The following MED13L variants were observed in gnomAD, a reference collection of about 807,000 sequenced individuals.
MED13L encodes mediator complex subunit 13L.
In MED13L, 7 loss-of-function variants were observed where a neutral mutation model predicts 220.9. The ratio of observed to expected loss-of-function variants is 0.03; its 90% confidence interval spans 0.02 to 0.06. The LOEUF (loss-of-function observed/expected upper bound fraction) is 0.06. MED13L is among the 10% of genes least tolerant of loss of function. The pLI is 1.00. For synonymous variants in MED13L, 1,011 were observed against 1,015.2 expected, an observed-to-expected ratio of 1.00 and a Z score of 0.08; for missense variants, 1,965 against 2,760.5, an observed-to-expected ratio of 0.71 and a Z score of 6.46.
chr12:116,227,254 A>C (rs1869097802), intron 2 of MED13L, among the ~76,000 whole-genome samples: 1 of 152,230 alleles, frequency 6.6e-6, no homozygotes, highest in Admixed American at 6.5e-5. Context: ...CTATGACAAC[A>C]GATCTCTACG....
chr12:116,194,351 G>C (rs1209574498), intron 2 of MED13L, among the ~76,000 whole-genome samples: 1 of 152,024 alleles, frequency 6.6e-6, no homozygotes, highest in Non-Finnish European at 1.5e-5. Context: ...TTTTAGTAGA[G>C]ACAGGGTTTC....
At chr12:116,059,392 C>A (rs930638493) in intron 4 of MED13L, among the ~76,000 whole-genome samples, 1 of 151,898 alleles carries the variant, frequency 6.6e-6, no homozygotes, top group African/African-American at 2.4e-5. Context: ...CTGTCAATAA[C>A]CCTCCAGTAA....
At chr12:116,029,534 C>T (rs1404330768) in intron 4 of MED13L, among the ~76,000 whole-genome samples, 1 of 151,944 alleles carries the variant, frequency 6.6e-6, no homozygotes, top group African/African-American at 2.4e-5. Flanking sequence ...AGTAAAATTA[C>T]ACCAAAAGTT....
chr12:116,012,495 G>C (rs1270861632), intron 9 of MED13L, among the ~76,000 whole-genome samples: 1 of 152,128 alleles, frequency 6.6e-6, no homozygotes, highest in African/African-American at 2.4e-5. Flanking sequence ...AAAATTAAGA[G>C]TAGTTAAATA....
intron 2 of MED13L, among the ~76,000 whole-genome samples, chr12:116,142,799 AT>A (rs982279540): frequency 6.6e-5 from 10 of 152,232 alleles, no homozygotes; most frequent in East Asian, 5.8e-4. Flanking sequence ...ATTACACACA[AT>A]TTAAAAGCAA....
At chr12:116,111,377 A>C in intron 3 of MED13L, 51 bp downstream of exon 3, 1 of 1,416,458 alleles carries the variant, frequency 7.1e-7, no homozygotes, top group East Asian at 2.3e-5. Context: ...CTCGGTATCT[A>C]GCAATATACT....
chr12:115,966,068 G>A lies in MED13L; in HGVS notation c.6387+14C>T. 1.2e-6 allele frequency: 2 copies of A among 1,613,832 alleles called. No homozygotes were observed. Among genetic ancestry groups the A allele is most frequent in the Non-Finnish European group, 1.7e-6 (2 of 1,179,822 alleles). On this transcript the variant is annotated intron_variant, in intron 29 of 30. Coordinates refer to ENST00000281928, the MANE Select transcript of MED13L (RefSeq NM_015335.5). Reference sequence around the variant, plus strand: ...CTCATTCCTTGCAAACTTCTAATATGACACCAAACCAACCTTTAAGAAGAG... The same window carrying A: ...CTCATTCCTTGCAAACTTCTAATATAACACCAAACCAACCTTTAAGAAGAG...
At chr12:116,206,740 G>A (rs1057142036) in intron 2 of MED13L, among the ~76,000 whole-genome samples, 1 of 152,046 alleles carries the variant, frequency 6.6e-6, no homozygotes, top group African/African-American at 2.4e-5. Flanking sequence ...CATACTGAAA[G>A]AAGATAAAAC....
intron 30 of MED13L, among the ~76,000 whole-genome samples, 178 bp downstream of exon 30, chr12:115,963,229 C>G (rs1875894184): frequency 1.3e-5 from 2 of 152,192 alleles, no homozygotes; most frequent in African/African-American, 2.4e-5. Flanking sequence ...ATGTATTACA[C>G]CGCCTGTCCC....
chr12:116,070,009 TTGAG>T (rs1249015569), intron 4 of MED13L, among the ~76,000 whole-genome samples: 1 of 152,204 alleles, frequency 6.6e-6, no homozygotes, highest in Admixed American at 6.5e-5. Context: ...CTGCTGGTTT[TTGAG>T]TATTTTTAAA....
chr12:116,006,494 G>A, intron 11 of MED13L, 83 bp from the exon 12 acceptor site: 9 of 1,095,204 alleles, frequency 8.2e-6, no homozygotes, highest in South Asian at 1.3e-5. Context: ...AGAATTAGAG[G>A]GTAGAATGGA....
At chr12:116,134,411 T>A (rs1876343824) in intron 2 of MED13L, among the ~76,000 whole-genome samples, 1 of 152,036 alleles carries the variant, frequency 6.6e-6, no homozygotes, top group Non-Finnish European at 1.5e-5. Context: ...ATAAGAAAAT[T>A]TTTATGAGAA....
chr12:116,276,514 C>A lies in MED13L; in HGVS notation c.72+546G>T, dbSNP rs1281176110. 7.8e-6 allele frequency: 10 copies of A among 1,283,786 alleles called. No individual in the cohort carries two copies. In the South Asian group the frequency reaches 1.1e-4, roughly 14 times the overall value. The allele number at this position is 1,283,786 out of a possible 1,614,324, so 79.5% of individuals were successfully genotyped here. ...AGGCGGCTGTCGATGTTTACAATCG[C>A]GGGAGCTTCGGGTGCAAGAGTCCTT... On this transcript the variant is annotated intron_variant, in intron 1 of 30. Transcript: ENST00000281928.
intron 4 of MED13L, among the ~76,000 whole-genome samples, chr12:116,061,808 C>T (rs1310426674): frequency 3.3e-5 from 5 of 151,964 alleles, no homozygotes; most frequent in African/African-American, 7.3e-5. Context: ...GAGATCGAGA[C>T]CATCCTGGCT....
Position 116,002,970 on chromosome 12 carries a change from G to A in MED13L, c.2569+33C>T, listed in dbSNP as rs1260350477. 3 of 1,524,236 alleles carry A rather than the reference G, an allele frequency of 2.0e-6. No individual in the cohort carries two copies. In the South Asian group the frequency reaches 3.4e-5, roughly 17 times the overall value. 94.4% of individuals were successfully genotyped at this position (1,524,236 alleles called of 1,614,324 possible). On this transcript the variant is annotated intron_variant, in intron 14 of 30. Coordinates refer to ENST00000281928, the MANE Select transcript of MED13L (RefSeq NM_015335.5). ...ATTATATCTAAGTTACAGGCAGTGA[G>A]CCACAATGGCTCAGTCAAGTTTCTC...
In MED13L at chr12:116,019,337, G is replaced by C. The variant is rs1879916394; in HGVS notation, c.896C>G (p.Ala299Gly). Residue 299 changes from alanine to glycine, a missense_variant, in exon 7 of 31, where the codon GCC (alanine) becomes GGC (glycine). Ala to Gly is a moderately conservative substitution (Grantham distance 60). Coordinates refer to ENST00000281928, the MANE Select transcript of MED13L (RefSeq NM_015335.5). ...AACTGCAATGTGGCCTCCAGCACTG[G>C]CAACACTCTGAGGAACCGGGATGTC... The part of the protein sequence containing the change: ...QNDIPVPQSV[A>G]SAGGHIAVGQ... 4 of 1,614,000 alleles carry C rather than the reference G, an allele frequency of 2.5e-6. No individual in the cohort carries two copies. Among genetic ancestry groups the C allele is most frequent in the Non-Finnish European group, 3.4e-6 (4 of 1,179,956 alleles).
At chr12:116,002,452 T>C (rs1878805379) in intron 14 of MED13L, among the ~76,000 whole-genome samples, 1 of 152,184 alleles carries the variant, frequency 6.6e-6, no homozygotes, top group Admixed American at 6.5e-5. Context: ...TTTTTCCTCT[T>C]GTAGAATAAT....
chr12:116,063,473 G>A (rs928199580), intron 4 of MED13L, among the ~76,000 whole-genome samples: 12 of 152,144 alleles, frequency 7.9e-5, no homozygotes, highest in Non-Finnish European at 5.9e-5. Flanking sequence ...AGCTGTGATC[G>A]TGCCACTGCA....
At chr12:116,148,128 G>C (rs935648520) in intron 2 of MED13L, among the ~76,000 whole-genome samples, 7 of 149,914 alleles carry the variant, frequency 4.7e-5, no homozygotes, top group African/African-American at 1.7e-4. Flanking sequence ...GACTGATTTG[G>C]TATTAAAGTC....
Sources: gnomAD v4.1 joint callset for allele counts (sites outside exome capture counted in the v4.1 genomes callset) on GRCh38, gnomAD v4.1.1 for gene constraint, MANE v1.5 for transcripts, NCBI Gene and HGNC (gene_info 2026-07-23, HGNC 2026-07-21) for gene names.